Variants in CFAP20DC observed in about 807,000 individuals in gnomAD.
CFAP20DC encodes CFAP20 domain containing, also known as protein CFAP20DC.
A neutral mutation model predicts 101.7 loss-of-function variants in CFAP20DC; 84 were observed. That is an observed-to-expected ratio of 0.83 (90% CI 0.69 to 0.99). CFAP20DC has a LOEUF of 0.99. Ranked by LOEUF, CFAP20DC falls within the 50% of genes least tolerant of loss-of-function variation. CFAP20DC has a pLI of 0.00. For missense variants in CFAP20DC, 1,007 were observed against 970.3 expected (o/e 1.04, Z -0.50); for synonymous variants, 359 against 351.2 (o/e 1.02, Z -0.25).
At chr3:58,806,975 C>T (rs2074124031) in intron 14 of CFAP20DC, among the ~76,000 whole-genome samples, 1 of 152,132 alleles carries the variant, frequency 6.6e-6, no homozygotes, top group African/African-American at 2.4e-5. Flanking sequence ...GCTAGCACAG[C>T]AGTCTGAGAT....
intron 16 of CFAP20DC, among the ~76,000 whole-genome samples, chr3:58,752,179 T>C (rs765347220): frequency 1.3e-5 from 2 of 152,094 alleles, no homozygotes; most frequent in Admixed American, 6.6e-5. Context: ...TTTGATGGTG[T>C]TAATTAACTA....
chr3:58,803,246 A>C (rs1004617700), intron 15 of CFAP20DC, among the ~76,000 whole-genome samples: 1 of 152,168 alleles, frequency 6.6e-6, no homozygotes, highest in Non-Finnish European at 1.5e-5. Context: ...CCATATTGGC[A>C]TTACTCTAAT....
intron 13 of CFAP20DC, among the ~76,000 whole-genome samples, chr3:58,842,020 T>C (rs1223836792): frequency 2.0e-5 from 3 of 152,246 alleles, no homozygotes; most frequent in Non-Finnish European, 4.4e-5. Context: ...GTTGTACTTC[T>C]TTCCTAATTA....
In CFAP20DC at chr3:58,971,679, C is replaced by A. The variant is rs1247151063; in HGVS notation, c.279-33917G>T. On this transcript the variant is annotated intron_variant, in intron 4 of 16. Coordinates refer to ENST00000482387, the MANE Select transcript of CFAP20DC (RefSeq NM_001394063.1). This position sits in a 1 kb window ranked among gnomAD's most constrained non-coding sequence, Gnocchi z 4.1. The stretch of plus-strand genomic sequence containing the variant: ...AGGATCTAGATAAATAGGTTATGTT[C>A]TAGCCATGCAATGGTATATATAGCG... Among the ~76,000 whole-genome samples, 1 of 152,082 alleles carries A rather than the reference C, an allele frequency of 6.6e-6. No homozygotes were observed. Among genetic ancestry groups the A allele is most frequent in the Admixed American group, 6.6e-5 (1 of 15,232 alleles).
chr3:58,816,520 A>T (rs1212484004), intron 14 of CFAP20DC, among the ~76,000 whole-genome samples: 2 of 152,130 alleles, frequency 1.3e-5, no homozygotes, highest in Non-Finnish European at 2.9e-5. Context: ...GAGTCAAAGA[A>T]AGGGGTGACG....
At chr3:58,926,295 G>C in intron 5 of CFAP20DC, among the ~76,000 whole-genome samples, 1 of 151,704 alleles carries the variant, frequency 6.6e-6, no homozygotes, top group East Asian at 1.9e-4. Context: ...GAACCTGAGA[G>C]GCAGAGGTTG....
At chr3:58,848,924 C>A in intron 13 of CFAP20DC, 108 bp downstream of exon 13, 2 of 1,316,314 alleles carry the variant, frequency 1.5e-6, no homozygotes, top group Non-Finnish European at 2.0e-6. Flanking sequence ...ATACAACACT[C>A]ATCACCCAAA....
At chr3:58,764,477 C>T (rs534368367) in intron 15 of CFAP20DC, among the ~76,000 whole-genome samples, 8 of 152,296 alleles carry the variant, frequency 5.3e-5, no homozygotes, top group South Asian at 2.1e-4. Context: ...TGACCCCTTG[C>T]GCTTCCCAGG....
intron 13 of CFAP20DC, among the ~76,000 whole-genome samples, chr3:58,848,608 G>A (rs530437534): frequency 6.6e-6 from 1 of 152,190 alleles, no homozygotes; most frequent in East Asian, 1.9e-4. Flanking sequence ...ATTATTTGGG[G>A]AACTGCTGTA....
At chr3:58,848,992 T>A in intron 13 of CFAP20DC, 40 bp downstream of exon 13, 3 of 1,519,714 alleles carry the variant, frequency 2.0e-6, no homozygotes, top group Non-Finnish European at 2.6e-6. Flanking sequence ...CACAGCAGGA[T>A]GTATTGCCGG....
In CFAP20DC at chr3:58,905,256, T is replaced by C. The variant is rs534887074; in HGVS notation, c.550+8452A>G. Among the ~76,000 whole-genome samples the C allele has an allele frequency of 4.0e-5, 6 of 151,652 alleles. No homozygotes were observed. In the South Asian group the frequency reaches 1.3e-3, roughly 32 times the overall value. On this transcript the variant is annotated intron_variant, in intron 6 of 16. Coordinates refer to ENST00000482387, the MANE Select transcript of CFAP20DC (RefSeq NM_001394063.1). The stretch of plus-strand genomic sequence containing the variant: ...TTCTCATTTCTCTCCTCTGTCTTCC[T>C]TTTACTTAACAATCTACACAGATAT...
chr3:58,849,389 AC>A lies in CFAP20DC; in HGVS notation c.1613del (p.Gly538ValfsTer12). On this transcript the variant is annotated frameshift_variant, in exon 13 of 17. Coordinates refer to ENST00000482387, the MANE Select transcript of CFAP20DC (RefSeq NM_001394063.1). LOFTEE classifies it high-confidence loss of function. The stretch of plus-strand genomic sequence containing the variant: ...AAGGACCAGTTGTTGGGCCTCGAGA[AC>A]CCTGGATACTGTGGTTACCCTATGT... ...SSEEGNHSIQ[G>X]SRGPTTGPSE... 1 of 1,532,508 alleles carries A rather than the reference AC, an allele frequency of 6.5e-7. No individual in the cohort carries two copies. Among genetic ancestry groups the A allele is most frequent in the Non-Finnish European group, 8.7e-7 (1 of 1,145,600 alleles). 94.9% of individuals were successfully genotyped at this position (1,532,508 alleles called of 1,614,324 possible).
intron 12 of CFAP20DC, among the ~76,000 whole-genome samples, chr3:58,849,713 A>G (rs1435780160): frequency 1.3e-5 from 2 of 152,192 alleles, no homozygotes; most frequent in African/African-American, 4.8e-5. Context: ...AAAAATGTCT[A>G]AAAGAAGAGG....
intron 16 of CFAP20DC, among the ~76,000 whole-genome samples, chr3:58,744,974 T>C (rs915850026): frequency 6.6e-6 from 1 of 152,156 alleles, no homozygotes; most frequent in Non-Finnish European, 1.5e-5. Context: ...CAGCAGTTTA[T>C]ATCTTTGAAG....
At chr3:58,762,109 A>G (rs1313657630) in intron 15 of CFAP20DC, among the ~76,000 whole-genome samples, 1 of 152,044 alleles carries the variant, frequency 6.6e-6, no homozygotes, top group African/African-American at 2.4e-5. Context: ...TTTCTGTCTC[A>G]TGGATCTGTC....
Position 58,945,236 on chromosome 3 carries a change from C to T in CFAP20DC, c.279-7474G>A, listed in dbSNP as rs139305716. ...CAGATCTAATTAATCCCAGTATCCA[C>T]CTTCTGAAGTACATGCTTGCTTTCT... On this transcript the variant is annotated intron_variant, in intron 4 of 16. Transcript: ENST00000482387. Among the ~76,000 whole-genome samples the T allele has an allele frequency of 2.7e-3, 410 of 152,278 alleles. 1 individual carries two copies. Among genetic ancestry groups the T allele is most frequent in the African/African-American group, 9.3e-3 (386 of 41,544 alleles).
chr3:59,048,575 T>C (rs541494091), intron 1 of CFAP20DC, among the ~76,000 whole-genome samples: 1 of 152,220 alleles, frequency 6.6e-6, no homozygotes, highest in South Asian at 2.1e-4. Flanking sequence ...TGATAATATA[T>C]TTTACCTATA....
chr3:59,024,553 T>C (rs948341799), intron 4 of CFAP20DC, among the ~76,000 whole-genome samples: 5 of 152,156 alleles, frequency 3.3e-5, no homozygotes, highest in Admixed American at 2.6e-4. Flanking sequence ...TGTATGCCAT[T>C]CTATCAGTCA....
chr3:58,955,741 A>G (rs2090569350), intron 4 of CFAP20DC, among the ~76,000 whole-genome samples: 1 of 151,848 alleles, frequency 6.6e-6, no homozygotes. Flanking sequence ...GGAATAGCTA[A>G]GGGCATGCTG....
Sources: allele counts gnomAD v4.1 joint callset (sites outside exome capture counted in the v4.1 genomes callset), GRCh38; gene constraint gnomAD v4.1.1; non-coding constraint Gnocchi (gnomAD v3.1); transcripts MANE v1.5; gene names NCBI Gene and HGNC (gene_info 2026-07-23, HGNC 2026-07-21).